Variants in C2orf74 observed in about 807,000 individuals in gnomAD.
C2orf74 encodes the protein uncharacterized protein C2orf74.
C2orf74 carries 14 observed loss-of-function variants against 17.9 expected under a neutral mutation model. The ratio of observed to expected loss-of-function variants is 0.78; its 90% confidence interval spans 0.52 to 1.22. The LOEUF is 1.22. C2orf74 is among the 50% of genes most tolerant of loss of function. The pLI is 0.00. For missense variants in C2orf74, 217 were observed against 218.4 expected, an observed-to-expected ratio of 0.99 and a Z score of 0.04; for synonymous variants, 79 against 72.6, an observed-to-expected ratio of 1.09 and a Z score of -0.44.
At chr2:61,151,230 C>T (rs927526055) in intron 1 of C2orf74, among the ~76,000 whole-genome samples, 1 of 149,154 alleles carries the variant, frequency 6.7e-6, no homozygotes, top group Non-Finnish European at 1.5e-5. Flanking sequence ...GCAGGAGAAT[C>T]GCTTGAACCC....
chr2:61,154,311 A>G (rs1685331560), intron 1 of C2orf74, among the ~76,000 whole-genome samples: 1 of 152,156 alleles, frequency 6.6e-6, no homozygotes, highest in East Asian at 1.9e-4. Context: ...ATACTTGATC[A>G]GTGCTTTACA....
chr2:61,157,770 C>G (rs1457651308), upstream of C2orf74: 3 of 429,090 alleles, frequency 7.0e-6, no homozygotes, highest in Non-Finnish European at 1.5e-5. Context: ...CCTGTGTCCA[C>G]TGCCCCTAGT....
intron 4 of C2orf74, among the ~76,000 whole-genome samples, chr2:61,163,959 CTGTG>C (rs1685651581): frequency 6.6e-6 from 1 of 152,048 alleles, no homozygotes; most frequent in African/African-American, 2.4e-5. Flanking sequence ...CCGCAGCCCC[CTGTG>C]CTAGCTCCAG....
chr2:61,158,955 G>T (rs1035391272), upstream of C2orf74, among the ~76,000 whole-genome samples: 9 of 151,632 alleles, frequency 5.9e-5, no homozygotes, highest in African/African-American at 2.2e-4. Flanking sequence ...TAATGGAAGA[G>T]AATCCAAGAA....
Position 61,163,198 on chromosome 2 carries a change from A to G in C2orf74, c.356A>G (p.Glu119Gly). Residue 119 changes from glutamate (E) to glycine (G), a missense_variant, in exon 4 of 5, where the codon GAG becomes GGG. Transcript: ENST00000432605. ...EEENQINEKQ[E>G]PENAGETGQE... ...GAGAACCAAATAAATGAGAAGCAAG[A>G]GCCTGAGAATGCTGGAGAAACTGGT... 1 of 1,552,290 alleles carries G rather than the reference A, an allele frequency of 6.4e-7. No homozygotes were observed. The highest frequency in any genetic ancestry group is 8.7e-7 in the Non-Finnish European group (1 of 1,147,110).
intron 1 of C2orf74, among the ~76,000 whole-genome samples, chr2:61,148,296 C>T (rs1055587930): frequency 1.3e-5 from 2 of 151,778 alleles, no homozygotes; most frequent in East Asian, 1.9e-4. Context: ...AAGCAATTCT[C>T]CTGCCTCAGC....
At chr2:61,156,809 C>T (rs1685405225) in intron 1 of C2orf74, among the ~76,000 whole-genome samples, 1 of 152,124 alleles carries the variant, frequency 6.6e-6, no homozygotes, top group African/African-American at 2.4e-5. Flanking sequence ...TGCTTGAGCC[C>T]AGGAGGTGGA....
chr2:61,150,972 C>G (rs1057153743), intron 1 of C2orf74, among the ~76,000 whole-genome samples: 6 of 152,068 alleles, frequency 3.9e-5, no homozygotes, highest in African/African-American at 1.4e-4. Flanking sequence ...TTTGCTTTCA[C>G]TAAGAATTGG....
rs528875305 is a variant in C2orf74 at position 61,162,548 on chromosome 2, A to G, written c.34A>G (p.Ile12Val). Residue 12 changes from isoleucine (I) to valine (V), a missense_variant, in exon 2 of 5, where the codon ATC (isoleucine) becomes GTC (valine). Ile to Val is a conservative substitution (Grantham distance 29). Coordinates refer to ENST00000432605, the MANE Select transcript of C2orf74 (RefSeq NM_001143959.4). ...SFETTAITFF[I>V]ILLICLICIL... ...TGAAACCACAGCAATCACTTTCTTC[A>G]TCATCCTTCTAATTTGCCTCATTTG... 15 of 1,551,764 alleles carry G rather than the reference A, an allele frequency of 9.7e-6. No homozygotes were observed. Among genetic ancestry groups the G allele is most frequent in the Non-Finnish European group, 1.3e-5 (15 of 1,146,958 alleles).
upstream of C2orf74, chr2:61,157,903 T>C (rs764958514): frequency 8.5e-6 from 4 of 471,218 alleles, no homozygotes; most frequent in Admixed American, 4.7e-5. Flanking sequence ...AGGGAGGTGG[T>C]TGGGGATTCA....
chr2:61,157,740 C>A (rs1434537949), upstream of C2orf74: 3 of 402,612 alleles, frequency 7.5e-6, no homozygotes, highest in Admixed American at 5.7e-5. Context: ...GTGGACTATC[C>A]TGATCAGCCA....
chr2:61,151,995 T>G (rs1048806576), intron 1 of C2orf74: 1 of 152,480 alleles, frequency 6.6e-6, no homozygotes, highest in South Asian at 2.1e-4. Flanking sequence ...ATTTAAACCA[T>G]GAAGCTTCTC....
At chr2:61,162,174 G>C, upstream of C2orf74, 1 of 273,696 alleles carries the variant, frequency 3.7e-6, no homozygotes, top group Non-Finnish European at 6.9e-6. Context: ...GCTGGGCTCA[G>C]CTCCAGCTGT....
At chr2:61,145,575 C>T (rs1255867656) in intron 1 of C2orf74, among the ~76,000 whole-genome samples, 1 of 152,144 alleles carries the variant, frequency 6.6e-6, no homozygotes, top group Admixed American at 6.6e-5. Context: ...AGGCAGGTGC[C>T]ACCACGCCAG....
At chr2:61,146,849 C>G (rs28377588) in intron 1 of C2orf74, among the ~76,000 whole-genome samples, 1 of 140,890 alleles carries the variant, frequency 7.1e-6, no homozygotes, top group Non-Finnish European at 1.6e-5. Context: ...AAAAAAAAAA[C>G]AAAAAACAAA....
At chr2:61,154,322 A>C (rs990874991) in intron 1 of C2orf74, among the ~76,000 whole-genome samples, 2 of 152,178 alleles carry the variant, frequency 1.3e-5, no homozygotes, top group Non-Finnish European at 2.9e-5. Context: ...GTGCTTTACA[A>C]AGCTGTCAAG....
rs1268315249 is a variant in C2orf74, at chr2:61,163,149, A to G, written c.307A>G (p.Arg103Gly). The part of the protein sequence containing the change: ...KEVLATPLEN[R>G]RDMEAEEENQ... ...AGTGTTGGCCACACCCTTAGAAAAC[A>G]GAAGGGACATGGAGGCAGAAGAGGA... Residue 103 changes from arginine (R) to glycine (G), a missense_variant, in exon 4 of 5, where the codon AGA becomes GGA. By Grantham distance (125) the Arg-to-Gly change is moderately radical. Transcript: ENST00000432605. The G allele has an allele frequency of 6.4e-7, 1 of 1,552,298 alleles. No homozygotes were observed. The highest frequency in any genetic ancestry group is 1.2e-5 in the South Asian group (1 of 84,070).
intron 1 of C2orf74, among the ~76,000 whole-genome samples, chr2:61,149,801 A>T (rs535859308): frequency 6.6e-6 from 1 of 151,088 alleles, no homozygotes; most frequent in Non-Finnish European, 1.5e-5. Context: ...CTGGTCTCGA[A>T]CTCCTGACCT....
chr2:61,158,264 TAAC>T (rs961988495), upstream of C2orf74, among the ~76,000 whole-genome samples: 2 of 152,130 alleles, frequency 1.3e-5, no homozygotes, highest in African/African-American at 4.8e-5. Flanking sequence ...CAGGTTTTGT[TAAC>T]AAGAGGGAAT....
Sources: gnomAD v4.1 joint callset for allele counts (sites outside exome capture counted in the v4.1 genomes callset) on GRCh38, gnomAD v4.1.1 for gene constraint, MANE v1.5 for transcripts, NCBI Gene and HGNC (gene_info 2026-07-23, HGNC 2026-07-21) for gene names.